The following SCRIB variants were observed in gnomAD, a reference collection of about 807,000 sequenced individuals.
The protein encoded by SCRIB is protein scribble homolog.
In SCRIB, 72 loss-of-function variants were observed where a neutral mutation model predicts 170.0. The observed-to-expected ratio is 0.42, with a 90% confidence interval of 0.35 to 0.52. The LOEUF is 0.52. SCRIB is among the 20% of genes least tolerant of loss of function. The pLI is 0.02. For synonymous variants in SCRIB, 1,298 were observed against 1,044.3 expected (o/e 1.24, Z -4.68); for missense variants, 2,475 against 2,338.5 (o/e 1.06, Z -1.20).
At chr8:143,805,517 C>G in intron 18 of SCRIB, 82 bp from the exon 19 acceptor site, 1 of 1,329,630 alleles carries the variant, frequency 7.5e-7, no homozygotes, top group South Asian at 1.6e-5. Flanking sequence ...CACGCTCCCT[C>G]CAGGATGGGG....
At chr8:143,793,429 G>A (rs1814801789) in intron 28 of SCRIB, 1 of 307,264 alleles carries the variant, frequency 3.3e-6, no homozygotes, top group Admixed American at 4.7e-5. Context: ...GGGGGTGGGA[G>A]AGACAGAGAG....
intron 24 of SCRIB, among the ~76,000 whole-genome samples, chr8:143,800,359 C>T (rs1439197609): frequency 2.6e-5 from 4 of 152,198 alleles, no homozygotes; most frequent in Admixed American, 1.3e-4. Flanking sequence ...CAGCAAACGT[C>T]ACAGTACAAG....
intron 1 of SCRIB, 50 bp from the exon 2 acceptor site, chr8:143,814,168 G>A (rs369017441): frequency 4.2e-6 from 6 of 1,441,532 alleles, no homozygotes; most frequent in Non-Finnish European, 5.7e-6. Context: ...CTGCAGAGCA[G>A]AGAAGAGCTC....
chr8:143,815,556 G>A lies in SCRIB; in HGVS notation c.-184C>T. 1.0e-6 allele frequency: 1 copy of A among 980,644 alleles called. No homozygotes were observed. The highest frequency in any genetic ancestry group is 1.2e-6 in the Non-Finnish European group (1 of 828,002). The allele number at this position is 980,644 out of a possible 1,614,324, so 60.7% of individuals were successfully genotyped here. The stretch of plus-strand genomic sequence containing the variant: ...GCCCGGCCCGCGCTCGGAACGCTCG[G>A]ACTGCGGGCCTGGGCAGGGGGCGCG... On this transcript the variant is annotated 5_prime_UTR_variant, in exon 1 of 37. Transcript: ENST00000356994.
chr8:143,791,313 A>G lies in SCRIB; in HGVS notation c.4823-5T>C, dbSNP rs1554632554. The G allele has an allele frequency of 6.3e-7, 1 of 1,575,888 alleles. No individual in the cohort carries two copies. Among genetic ancestry groups the G allele is most frequent in the Admixed American group, 1.9e-5 (1 of 54,046 alleles). On this transcript the variant is annotated splice_region_variant and splice_polypyrimidine_tract_variant and intron_variant, in intron 36 of 36. Coordinates refer to ENST00000356994, the MANE Select transcript of SCRIB (RefSeq NM_182706.5). The stretch of plus-strand genomic sequence containing the variant: ...CTCCATCCTCCTCCTGCGGGCCTGG[A>G]GGGCAGGGACAGGTGGGCAGTGAGC...
rs150364589 is a variant in SCRIB, at chr8:143,792,822, G to T, written c.4063C>A (p.Arg1355=). The change falls in exon 30 of 37, where the codon CGG becomes AGG. Residue 1355 remains arginine (R), a synonymous_variant. Coordinates refer to ENST00000356994, the MANE Select transcript of SCRIB (RefSeq NM_182706.5). The part of the protein sequence containing the change: ...PAASPEQLSF[R]ERQKYFELEV... ...AGCTCAAAGTACTTCTGCCGCTCCC[G>T]GAAGGACAGCTGCTCCGGGGAGGCT... 1.9e-6 allele frequency: 3 copies of T among 1,550,978 alleles called. No individual in the cohort carries two copies. Among genetic ancestry groups the T allele is most frequent in the South Asian group, 2.4e-5 (2 of 82,032 alleles).
rs782460123 is a variant in SCRIB at position 143,795,499 on chromosome 8, G to A, written c.3635C>T (p.Ala1212Val). The part of the protein sequence containing the change: ...VSPGVIANPF[A>V]AGIGHRNSLE... Reference sequence around the variant, plus strand: ...GCTGTTCCGGTGGCCGATGCCTGCCGCAAAGGGGTTGGCAATGACACCTGG... The same window carrying A: ...GCTGTTCCGGTGGCCGATGCCTGCCACAAAGGGGTTGGCAATGACACCTGG... Residue 1212 changes from alanine (A) to valine (V), a missense_variant, in exon 25 of 37, where the codon GCG becomes GTG. By Grantham distance (64) the Ala-to-Val change is moderately conservative (BLOSUM62 0). Coordinates refer to ENST00000356994, the MANE Select transcript of SCRIB (RefSeq NM_182706.5). The A allele has an allele frequency of 7.1e-5, 114 of 1,612,896 alleles. No homozygotes were observed. The highest frequency in any genetic ancestry group is 9.2e-5 in the Non-Finnish European group (109 of 1,179,646).
chr8:143,807,424 C>A (rs1001421095), intron 16 of SCRIB, 128 bp downstream of exon 16: 31 of 823,870 alleles, frequency 3.8e-5, no homozygotes, highest in Non-Finnish European at 5.5e-5. Context: ...TGGAGCCCAG[C>A]TGGATCTGAG....
rs1554635429 is a variant in SCRIB at position 143,803,471 on chromosome 8, T to A, written c.3515A>T (p.Glu1172Val). Residue 1172 changes from glutamate (E) to valine (V), a missense_variant, in exon 24 of 37, where the codon GAG (glutamate) becomes GTG (valine). Glu to Val is a moderately radical substitution (Grantham distance 121). Transcript: ENST00000356994. ...CACACTGCGGAGCAGCTGCACCGCC[T>A]CGCCGTGCGTCAGGCCCAGCAGGCT... ...QQSLLGLTHG[E>V]AVQLLRSVGD... The A allele has an allele frequency of 1.9e-6, 3 of 1,599,470 alleles. No homozygotes were observed. The highest frequency in any genetic ancestry group is 2.5e-6 in the Non-Finnish European group (3 of 1,178,950).
Position 143,803,475 on chromosome 8 carries a change from C to T in SCRIB, c.3511G>A (p.Gly1171Ser), listed in dbSNP as rs782147678. The change falls in exon 24 of 37, where the codon GGC becomes AGC. Residue 1171 changes from glycine to serine, a missense_variant. Transcript: ENST00000356994. ...NQQSLLGLTH[G>S]EAVQLLRSVG... ...CTGCGGAGCAGCTGCACCGCCTCGCCGTGCGTCAGGCCCAGCAGGCTCTGC... is the reference window on the plus strand; with the variant it reads ...CTGCGGAGCAGCTGCACCGCCTCGCTGTGCGTCAGGCCCAGCAGGCTCTGC... 31 of 1,599,910 alleles carry T rather than the reference C, an allele frequency of 1.9e-5. No homozygotes were observed. The highest frequency in any genetic ancestry group is 8.4e-5 in the Admixed American group (5 of 59,854).
At chr8:143,808,192 G>A (rs1815517962) in intron 15 of SCRIB, among the ~76,000 whole-genome samples, 1 of 152,248 alleles carries the variant, frequency 6.6e-6, no homozygotes, top group South Asian at 2.1e-4. Flanking sequence ...GACAGGCCCT[G>A]GAGACCCACA....
In SCRIB at chr8:143,813,494, T is replaced by C; in HGVS notation, c.479A>G (p.Glu160Gly). 2.5e-6 allele frequency: 4 copies of C among 1,613,160 alleles called. No individual in the cohort carries two copies. The highest frequency in any genetic ancestry group is 1.3e-5 in the African/African-American group (1 of 75,038). ...LANLVTLELR[E>G]NLLKSLPASL... ...CGCTGGCAGGGACTTGAGCAGGTTCTCCCGGAGCTCCAGGGTCACCAGGTT... is the reference window on the plus strand; with the variant it reads ...CGCTGGCAGGGACTTGAGCAGGTTCCCCCGGAGCTCCAGGGTCACCAGGTT... Residue 160 changes from glutamate to glycine, a missense_variant, in exon 5 of 37, where the codon GAG (glutamate) becomes GGG (glycine). This residue lies in a region of SCRIB where 487 missense variants were observed against 558.1 expected (regional missense o/e 0.87). Coordinates refer to ENST00000356994, the MANE Select transcript of SCRIB (RefSeq NM_182706.5).
chr8:143,809,504 C>G, intron 14 of SCRIB, 47 bp downstream of exon 14: 7 of 1,578,198 alleles, frequency 4.4e-6, no homozygotes, highest in Non-Finnish European at 6.0e-6. Context: ...GGAGGCAGCC[C>G]CCACCCAGCA....
chr8:143,813,184 A>C, intron 6 of SCRIB, 80 bp from the exon 7 acceptor site: 1 of 1,586,502 alleles, frequency 6.3e-7, no homozygotes. Flanking sequence ...ATACGCCCCC[A>C]CACCCAGCTC....
At position 143,792,841 on chromosome 8, in the gene SCRIB, G is replaced by A. The variant is rs782435548; in HGVS notation, c.4044C>T (p.Ser1348=). The A allele has an allele frequency of 9.8e-6, 15 of 1,534,176 alleles. No individual in the cohort carries two copies. In the Admixed American group the frequency reaches 1.9e-4, roughly 20 times the overall value. ...GCTCCCGGAAGGACAGCTGCTCCGG[G>A]GAGGCTGCAGGCCCAGGCGTGGGGG... ...AQPPTPGPAA[S]PEQLSFRERQ... Residue 1348 remains serine, a synonymous_variant, in exon 30 of 37, where the codon TCC becomes TCT. Coordinates refer to ENST00000356994, the MANE Select transcript of SCRIB (RefSeq NM_182706.5).
chr8:143,806,067 C>T (rs782804479), intron 18 of SCRIB, among the ~76,000 whole-genome samples: 4 of 152,168 alleles, frequency 2.6e-5, no homozygotes, highest in Non-Finnish European at 4.4e-5. Flanking sequence ...TGACCCCTCT[C>T]GGTCAGCCCA....
chr8:143,806,333 G>A (rs1416046436), intron 18 of SCRIB, 74 bp downstream of exon 18: 7 of 1,217,092 alleles, frequency 5.8e-6, no homozygotes, highest in Non-Finnish European at 7.1e-6. Context: ...AGGCAGCCAA[G>A]CACCCTAATA....
intron 21 of SCRIB, 86 bp downstream of exon 21, chr8:143,804,482 G>C: frequency 7.3e-7 from 1 of 1,367,610 alleles, no homozygotes; most frequent in East Asian, 2.5e-5. Context: ...GGAGTGGGCC[G>C]CAAGGCCATA....
chr8:143,802,449 G>A (rs1815214086), intron 24 of SCRIB, among the ~76,000 whole-genome samples: 1 of 152,244 alleles, frequency 6.6e-6, no homozygotes, highest in Non-Finnish European at 1.5e-5. Flanking sequence ...GGTGGGGAGT[G>A]GTGACAGCCA....
Sources: gnomAD v4.1 joint callset for allele counts (sites outside exome capture counted in the v4.1 genomes callset) on GRCh38, gnomAD v4.1.1 for gene constraint, gnomAD v4.1.1 regional missense constraint, MANE v1.5 for transcripts, NCBI Gene and HGNC (gene_info 2026-07-23, HGNC 2026-07-21) for gene names.